KCNH8: variants seen among roughly 807,000 people sequenced by gnomAD.
The protein encoded by KCNH8 is potassium voltage-gated channel subfamily H member 8.
KCNH8 carries 70 observed loss-of-function variants against 103.6 expected under a neutral mutation model. The ratio of observed to expected loss-of-function variants is 0.68; its 90% CI spans 0.56 to 0.82. The LOEUF (loss-of-function observed/expected upper bound fraction) is 0.82. KCNH8 is among the 40% of genes least tolerant of loss of function. KCNH8 has a pLI of 0.00. For missense variants in KCNH8, 1,217 were observed against 1,329.9 expected, an observed-to-expected ratio of 0.92 and a Z score of 1.32; for synonymous variants, 498 against 489.4, an observed-to-expected ratio of 1.02 and a Z score of -0.23.
At chr3:19,265,172 G>A (rs1409420962) in intron 2 of KCNH8, among the ~76,000 whole-genome samples, 1 of 152,058 alleles carries the variant, frequency 6.6e-6, no homozygotes, top group Non-Finnish European at 1.5e-5. Flanking sequence ...CTAGTTCAGT[G>A]ACTTTGCTTG....
At chr3:19,442,215 T>C (rs1483399733) in intron 8 of KCNH8, among the ~76,000 whole-genome samples, 6 of 152,212 alleles carry the variant, frequency 3.9e-5, no homozygotes, top group South Asian at 2.1e-4. Context: ...TCCAGCGTTA[T>C]GACTTTTATA....
At chr3:19,316,042 G>T (rs1278481469) in intron 3 of KCNH8, among the ~76,000 whole-genome samples, 7 of 151,940 alleles carry the variant, frequency 4.6e-5, no homozygotes, top group Non-Finnish European at 1.0e-4. Context: ...AGATTTAAAA[G>T]AAATTAAGTC....
intron 1 of KCNH8, among the ~76,000 whole-genome samples, chr3:19,170,621 CATAT>C (rs1210009747): frequency 1.5e-5 from 2 of 137,082 alleles, no homozygotes; most frequent in South Asian, 2.2e-4. Context: ...TATACACACA[CATAT>C]ATATATACAC....
At position 19,175,500 on chromosome 3, in the gene KCNH8, C is replaced by A. The variant is rs148337837; in HGVS notation, c.76+26705C>A. ...CTAGGATTACAGGCGTGAGCCCCCG[C>A]GCCCGGCCAACTGTTTTGTAATTTT... On this transcript the variant is annotated intron_variant, in intron 1 of 15. Coordinates refer to ENST00000328405, the MANE Select transcript of KCNH8 (RefSeq NM_144633.3). Among the ~76,000 whole-genome samples, 749 of 152,268 alleles carry A rather than the reference C, an allele frequency of 4.9e-3. 4 individuals are homozygous for A. Among genetic ancestry groups the A allele is most frequent in the African/African-American group, 0.017 (712 of 41,564 alleles).
At chr3:19,225,616 T>A (rs2063922153) in intron 1 of KCNH8, among the ~76,000 whole-genome samples, 2 of 148,334 alleles carry the variant, frequency 1.3e-5, no homozygotes, top group Non-Finnish European at 2.9e-5. Context: ...TTCTTATAAT[T>A]CCCTTTTTAG....
chr3:19,530,494 T>C (rs1370315000), intron 15 of KCNH8, among the ~76,000 whole-genome samples: 1 of 152,198 alleles, frequency 6.6e-6, no homozygotes, highest in African/African-American at 2.4e-5. Context: ...AATATCTGTT[T>C]ATTTTGAAAA....
At chr3:19,176,950 A>AAC (rs1356960004) in intron 1 of KCNH8, among the ~76,000 whole-genome samples, 1 of 152,124 alleles carries the variant, frequency 6.6e-6, no homozygotes, top group African/African-American at 2.4e-5. Context: ...AGGCAACTTT[A>AAC]ATATATATTT....
chr3:19,329,997 A>C (rs370048116), intron 3 of KCNH8, among the ~76,000 whole-genome samples: 64 of 150,208 alleles, frequency 4.3e-4, no homozygotes, highest in African/African-American at 1.4e-3. Flanking sequence ...GTATTTAATG[A>C]AGTTTTTTTC....
intron 11 of KCNH8, among the ~76,000 whole-genome samples, chr3:19,494,586 T>C (rs1447763022): frequency 1.3e-5 from 2 of 152,344 alleles, no homozygotes; most frequent in East Asian, 3.9e-4. Flanking sequence ...AATGAACTAA[T>C]ACATTCAGTC....
intron 1 of KCNH8, among the ~76,000 whole-genome samples, chr3:19,238,711 C>T (rs2064096150): frequency 6.6e-6 from 1 of 152,156 alleles, no homozygotes; most frequent in African/African-American, 2.4e-5. Flanking sequence ...TGTGATGTTA[C>T]TTCTTAGCAT....
rs1267913837 is a variant in KCNH8 at position 19,373,682 on chromosome 3, T to C, written c.812-16799T>C. Among the ~76,000 whole-genome samples, 27 of 152,008 alleles carry C rather than the reference T, an allele frequency of 1.8e-4. No homozygotes were observed. In the South Asian group the frequency reaches 4.6e-3, roughly 26 times the overall value. ...AATGTGTTTGCTCTTGCTTTTCTAGTTCTTTTAATTGTGATGTTAGGGTGT... is the reference window on the plus strand; with the variant it reads ...AATGTGTTTGCTCTTGCTTTTCTAGCTCTTTTAATTGTGATGTTAGGGTGT... On this transcript the variant is annotated intron_variant, in intron 5 of 15. Transcript: ENST00000328405.
rs7637590 is a variant in KCNH8, at chr3:19,314,123, G to C, written c.443-28464G>C. On this transcript the variant is annotated intron_variant, in intron 3 of 15. Coordinates refer to ENST00000328405, the MANE Select transcript of KCNH8 (RefSeq NM_144633.3). ...ATCATACTTTCTCCTCCAAAAATTTGGTTCTCAAATAGGAATATATTTAGA... is the reference window on the plus strand; with the variant it reads ...ATCATACTTTCTCCTCCAAAAATTTCGTTCTCAAATAGGAATATATTTAGA... 2.3e-3 allele frequency among the ~76,000 whole-genome samples: 356 copies of C among 151,504 alleles called. 1 individual carries two copies. The highest frequency in any genetic ancestry group is 7.6e-3 in the African/African-American group (316 of 41,324).
chr3:19,285,850 T>A (rs529610786), intron 3 of KCNH8, among the ~76,000 whole-genome samples: 1 of 152,290 alleles, frequency 6.6e-6, no homozygotes, highest in African/African-American at 2.4e-5. Flanking sequence ...TACAGTATGT[T>A]CAGTAGAATG....
intron 1 of KCNH8, among the ~76,000 whole-genome samples, chr3:19,170,956 C>A (rs577487427): frequency 1.3e-5 from 2 of 151,860 alleles, no homozygotes; most frequent in Admixed American, 1.3e-4. Flanking sequence ...GGACTACAGG[C>A]ATCCGCCACT....
chr3:19,208,976 A>G lies in KCNH8; in HGVS notation c.77-44678A>G, dbSNP rs189228411. Among the ~76,000 whole-genome samples, 3 of 152,168 alleles carry G rather than the reference A, an allele frequency of 2.0e-5. No individual in the cohort carries two copies. The East Asian group carries it at 5.8e-4, about 29-fold the overall frequency. On this transcript the variant is annotated intron_variant, in intron 1 of 15. Transcript: ENST00000328405. ...TTCCTTGTTCAGTAAACAAAATCAC[A>G]AGGATATATGTATATCTATATCTAT...
intron 3 of KCNH8, among the ~76,000 whole-genome samples, chr3:19,298,390 C>G (rs974415206): frequency 7.2e-5 from 11 of 152,190 alleles, no homozygotes; most frequent in Non-Finnish European, 1.5e-4. Context: ...CAAGCCTCCT[C>G]TTGTGGGGTT....
At chr3:19,363,616 G>A (rs146896426) in intron 5 of KCNH8, among the ~76,000 whole-genome samples, 19 of 152,096 alleles carry the variant, frequency 1.2e-4, no homozygotes, top group Admixed American at 2.0e-4. Flanking sequence ...TATAATCTCC[G>A]TTTCGTGTTA....
intron 7 of KCNH8, among the ~76,000 whole-genome samples, 161 bp from the exon 8 acceptor site, chr3:19,438,003 A>G (rs1227257363): frequency 6.6e-6 from 1 of 152,182 alleles, no homozygotes; most frequent in African/African-American, 2.4e-5. Context: ...TTTCACTTTT[A>G]AAGAATGAAA....
chr3:19,516,724 T>TTACC (rs1231134574), intron 14 of KCNH8, among the ~76,000 whole-genome samples: 1 of 151,978 alleles, frequency 6.6e-6, no homozygotes, highest in Non-Finnish European at 1.5e-5. Flanking sequence ...TAGAAGCAAC[T>TTACC]TCCAAAATAT....
Sources: allele counts gnomAD v4.1 joint callset (sites outside exome capture counted in the v4.1 genomes callset), GRCh38; gene constraint gnomAD v4.1.1; transcripts MANE v1.5; gene names NCBI Gene and HGNC (gene_info 2026-07-23, HGNC 2026-07-21).